PTPRG: variants seen among roughly 807,000 people sequenced by gnomAD.
The protein encoded by PTPRG is receptor-type tyrosine-protein phosphatase gamma.
PTPRG carries 102 observed loss-of-function variants against 165.3 expected under a neutral mutation model. The observed-to-expected ratio is 0.62, with a 90% CI of 0.53 to 0.73. PTPRG has a LOEUF of 0.73. Ranked by LOEUF, PTPRG falls within the 30% of genes least tolerant of loss-of-function variation. The pLI is 0.00. For missense variants in PTPRG, 1,866 were observed against 1,861.4 expected (o/e 1.00, Z -0.05); for synonymous variants, 675 against 669.5 (o/e 1.01, Z -0.13).
At chr3:62,145,267 C>T (rs1390940366) in intron 6 of PTPRG, among the ~76,000 whole-genome samples, 1 of 152,134 alleles carries the variant, frequency 6.6e-6, no homozygotes, top group Non-Finnish European at 1.5e-5. Context: ...TAATACCAGT[C>T]TTGCTGGTTT....
chr3:62,082,460 G>C (rs1378778374), intron 5 of PTPRG, among the ~76,000 whole-genome samples: 3 of 152,176 alleles, frequency 2.0e-5, no homozygotes, highest in African/African-American at 4.8e-5. Context: ...AATTTACACA[G>C]TGTTTATGAT....
intron 1 of PTPRG, among the ~76,000 whole-genome samples, chr3:61,639,306 T>C (rs1702001594): frequency 6.6e-6 from 1 of 152,226 alleles, no homozygotes; most frequent in Admixed American, 6.5e-5. Context: ...TTTTCGTCAC[T>C]GTAGCCTTAT....
chr3:61,621,051 A>ATATGTGTGTGTGTGTGTGTGTGTGTG, intron 1 of PTPRG, among the ~76,000 whole-genome samples: 2 of 117,948 alleles, frequency 1.7e-5, no homozygotes, highest in African/African-American at 6.0e-5. Flanking sequence ...ATATATATAT[A>ATATGTGTGTGTGTGTGTGTGTGTGTG]TGTGTGTGTG....
chr3:61,675,637 G>A (rs1320232), intron 1 of PTPRG, among the ~76,000 whole-genome samples: 113,942 of 152,038 alleles, frequency 0.75, 43,335 homozygotes, highest in East Asian at 0.91. Flanking sequence ...CTGCCATTTA[G>A]TAGAATATCA....
intron 2 of PTPRG, among the ~76,000 whole-genome samples, chr3:61,935,798 A>G (rs554647146): frequency 6.6e-6 from 1 of 151,930 alleles, no homozygotes; most frequent in Non-Finnish European, 1.5e-5. Context: ...TATTAATATT[A>G]GCCAACCTCA....
chr3:61,848,082 C>T (rs2036855695), intron 2 of PTPRG, among the ~76,000 whole-genome samples: 1 of 152,204 alleles, frequency 6.6e-6, no homozygotes, highest in African/African-American at 2.4e-5. Context: ...GAACCTGGAG[C>T]CTTTCCTGGT....
chr3:61,697,131 C>G (rs930258305), intron 1 of PTPRG, among the ~76,000 whole-genome samples: 2 of 152,188 alleles, frequency 1.3e-5, no homozygotes, highest in African/African-American at 4.8e-5. Flanking sequence ...GAGGGCCACT[C>G]TCTGGCTTTC....
chr3:62,014,871 A>G (rs978312436), intron 4 of PTPRG, among the ~76,000 whole-genome samples: 1 of 152,234 alleles, frequency 6.6e-6, no homozygotes, highest in Non-Finnish European at 1.5e-5. Flanking sequence ...ATCTTATTCT[A>G]TCTAAATTAT....
intron 2 of PTPRG, among the ~76,000 whole-genome samples, chr3:61,981,848 G>A (rs1047251171): frequency 2.6e-5 from 4 of 152,184 alleles, no homozygotes; most frequent in Admixed American, 6.6e-5. Context: ...ACTCTCCAGA[G>A]ATGAAACTGG....
intron 1 of PTPRG, among the ~76,000 whole-genome samples, chr3:61,635,599 G>A (rs537696256): frequency 2.0e-5 from 3 of 151,876 alleles, no homozygotes; most frequent in African/African-American, 7.2e-5. Context: ...CTCAAGCTTT[G>A]GCCTCCCAAA....
chr3:61,787,886 T>C (rs542804666), intron 2 of PTPRG, among the ~76,000 whole-genome samples: 13 of 152,334 alleles, frequency 8.5e-5, no homozygotes, highest in Non-Finnish European at 1.5e-4. Context: ...TTAAAATTCC[T>C]GAAATTAGGC....
chr3:61,765,246 C>A (rs7636731), intron 2 of PTPRG, among the ~76,000 whole-genome samples: 20 of 152,104 alleles, frequency 1.3e-4, no homozygotes, highest in Admixed American at 9.8e-4. Flanking sequence ...GCAAGTTGAC[C>A]ATTTCAGAAA....
intron 4 of PTPRG, among the ~76,000 whole-genome samples, chr3:62,027,347 C>T (rs563861818): frequency 3.3e-5 from 5 of 152,206 alleles, no homozygotes; most frequent in Middle Eastern, 3.4e-3. Context: ...CCTCCAGTCC[C>T]TATACTTTAT....
chr3:61,833,521 A>G (rs1013821887), intron 2 of PTPRG, among the ~76,000 whole-genome samples: 2 of 152,076 alleles, frequency 1.3e-5, no homozygotes, highest in African/African-American at 4.8e-5. Context: ...ATCCCCAGGC[A>G]CTTCACTTGC....
rs149641730 is a variant in PTPRG, at chr3:62,106,503, C to CTT, written c.616-26083_616-26082dup. On this transcript the variant is annotated intron_variant, in intron 5 of 29. Coordinates refer to ENST00000474889, the MANE Select transcript of PTPRG (RefSeq NM_002841.4). Reference sequence around the variant, plus strand: ...TTGGTCCCCTGCAAACTCTTAAAGGCTTTTTTTTTTTTTTTTTGGCTTGAT... The same window carrying CTT: ...TTGGTCCCCTGCAAACTCTTAAAGGCTTTTTTTTTTTTTTTTTTTGGCTTGAT... Among the ~76,000 whole-genome samples, 609 of 118,558 alleles carry CTT rather than the reference C, an allele frequency of 5.1e-3. 2 individuals carry two copies. Among genetic ancestry groups the CTT allele is most frequent in the African/African-American group, 0.018 (582 of 31,884 alleles). The allele number at this position is 118,558 out of a possible 152,430, so 77.8% of individuals were successfully genotyped here.
intron 2 of PTPRG, among the ~76,000 whole-genome samples, chr3:61,851,818 T>C (rs2036972742): frequency 6.6e-6 from 1 of 152,158 alleles, no homozygotes; most frequent in Non-Finnish European, 1.5e-5. Context: ...TTGCCTTCAG[T>C]AGCATAATTG....
At chr3:62,119,436 A>G (rs367806135) in intron 5 of PTPRG, among the ~76,000 whole-genome samples, 2 of 152,300 alleles carry the variant, frequency 1.3e-5, no homozygotes, top group African/African-American at 4.8e-5. Context: ...ATCAGTGGGA[A>G]CAATGCGGGC....
intron 2 of PTPRG, among the ~76,000 whole-genome samples, chr3:61,924,026 A>C (rs1331967196): frequency 1.3e-5 from 2 of 152,196 alleles, no homozygotes; most frequent in Non-Finnish European, 2.9e-5. Flanking sequence ...ATCCTGTATT[A>C]GTTCTTATGC....
At chr3:61,932,843 C>T (rs1432130229) in intron 2 of PTPRG, among the ~76,000 whole-genome samples, 1 of 152,200 alleles carries the variant, frequency 6.6e-6, no homozygotes, top group Non-Finnish European at 1.5e-5. Context: ...GCAGCATTCT[C>T]GTGTTCTCCT....
Sources: gnomAD v4.1 joint callset for allele counts (sites outside exome capture counted in the v4.1 genomes callset) on GRCh38, gnomAD v4.1.1 for gene constraint, MANE v1.5 for transcripts, NCBI Gene and HGNC (gene_info 2026-07-23, HGNC 2026-07-21) for gene names.